The following IL1RAPL1 variants were observed in gnomAD, a reference collection of about 807,000 sequenced individuals.
IL1RAPL1 encodes interleukin-1 receptor accessory protein-like 1.
IL1RAPL1 carries 3 observed loss-of-function variants against 48.4 expected under a neutral mutation model. That is an observed-to-expected ratio of 0.06 (90% CI 0.03 to 0.16). The LOEUF (loss-of-function observed/expected upper bound fraction) is 0.16. Among genes scored for constraint, IL1RAPL1 ranks in the 10% least tolerant of loss-of-function variants. The probability of loss-of-function intolerance (pLI) is 1.00; values close to 1 mark genes in which losing one functional copy is unlikely to be tolerated. For missense variants in IL1RAPL1, 349 were observed against 530.6 expected (o/e 0.66, Z 3.36); for synonymous variants, 185 against 187.7 (o/e 0.99, Z 0.12).
At chrX:29,930,549 C>T (rs1211459052) in intron 8 of IL1RAPL1, among the ~76,000 whole-genome samples, 1 of 111,810 alleles carries the variant, frequency 8.9e-6, no homozygotes, top group Non-Finnish European at 1.9e-5. Context: ...GTGGTTACCT[C>T]GAGGTGGCAT....
intron 1 of IL1RAPL1, among the ~76,000 whole-genome samples, chrX:28,779,108 C>A (rs949567488): frequency 5.9e-4 from 66 of 111,796 alleles, no homozygotes; most frequent in African/African-American, 2.1e-3. Context: ...GTGCACTTAA[C>A]CACTTTCATT....
At chrX:28,832,180 A>G (rs900563154) in intron 2 of IL1RAPL1, among the ~76,000 whole-genome samples, 12 of 110,934 alleles carry the variant, frequency 1.1e-4, no homozygotes, top group African/African-American at 3.9e-4. Flanking sequence ...GCAGTGCTAT[A>G]GAACACTGGA....
At chrX:29,022,080 G>A (rs936534979) in intron 2 of IL1RAPL1, among the ~76,000 whole-genome samples, 4 of 111,064 alleles carry the variant, frequency 3.6e-5, no homozygotes, top group Admixed American at 2.9e-4. Context: ...TTTTTTCTCC[G>A]TATTCCATTT....
rs747642387 is a variant in IL1RAPL1, at chrX:29,201,780, C to G, written c.83-81158C>G. On this transcript the variant is annotated intron_variant, in intron 2 of 10. Transcript: ENST00000378993. ...GCTCTCGGCTCGCGGCAACCTCCGC[C>G]TCGCAGGTTCAAGCGATTCTCCTGC... Among the ~76,000 whole-genome samples the G allele has an allele frequency of 3.0e-3, 331 of 110,524 alleles. 1 individual carries two copies. Among genetic ancestry groups the G allele is most frequent in the African/African-American group, 0.01 (312 of 30,389 alleles).
chrX:29,341,970 G>A (rs749337168), intron 3 of IL1RAPL1, among the ~76,000 whole-genome samples: 26 of 109,695 alleles, frequency 2.4e-4, no homozygotes, highest in African/African-American at 5.0e-4. Flanking sequence ...TACCACGTAC[G>A]GCTAATTTTT....
intron 2 of IL1RAPL1, among the ~76,000 whole-genome samples, chrX:28,873,523 C>CTTGTTTTTTTTTTTTT (rs1922267118): frequency 1.8e-5 from 1 of 56,679 alleles, no homozygotes; most frequent in African/African-American, 8.1e-5. Flanking sequence ...TTCTTTCTTT[C>CTTGTTTTTTTTTTTTT]TTTTTTTTTT....
intron 1 of IL1RAPL1, among the ~76,000 whole-genome samples, chrX:28,722,078 G>A (rs1265064803): frequency 1.3e-4 from 14 of 111,859 alleles, no homozygotes; most frequent in Admixed American, 1.1e-3. Flanking sequence ...GGCAATGCAG[G>A]CTCTTTTTTG....
At chrX:28,700,211 T>A (rs1935279237) in intron 1 of IL1RAPL1, among the ~76,000 whole-genome samples, 1 of 111,452 alleles carries the variant, frequency 9.0e-6, no homozygotes, top group South Asian at 3.8e-4. Flanking sequence ...TCTACAGGGA[T>A]GCCCTTTACT....
chrX:29,691,750 CAAAAAAAAA>C (rs761236508), intron 6 of IL1RAPL1, among the ~76,000 whole-genome samples: 1 of 17,685 alleles, frequency 5.7e-5, no homozygotes, highest in East Asian at 1.8e-3. Context: ...GACTCCGTCT[CAAAAAAAAA>C]AAAAAAAAAA....
intron 2 of IL1RAPL1, among the ~76,000 whole-genome samples, chrX:28,805,522 A>G (rs1400871829): frequency 9.0e-6 from 1 of 111,232 alleles, no homozygotes; most frequent in African/African-American, 3.3e-5. Flanking sequence ...TCTTGCCTTG[A>G]TAATCTCAGT....
chrX:28,956,228 C>G (rs1177627141), intron 2 of IL1RAPL1, among the ~76,000 whole-genome samples: 6 of 108,233 alleles, frequency 5.5e-5, no homozygotes, highest in Non-Finnish European at 1.1e-4. Context: ...TTGACTCCCT[C>G]TTTTCCTAAT....
At chrX:29,002,308 T>C (rs376921095) in intron 2 of IL1RAPL1, among the ~76,000 whole-genome samples, 7 of 111,610 alleles carry the variant, frequency 6.3e-5, no homozygotes, top group African/African-American at 2.3e-4. Flanking sequence ...ATACTTATTA[T>C]ATAAATCTAT....
chrX:28,847,172 T>G (rs2147294932), intron 2 of IL1RAPL1, among the ~76,000 whole-genome samples: 1 of 111,126 alleles, frequency 9.0e-6, no homozygotes, highest in South Asian at 3.9e-4. Flanking sequence ...CCTTCATTCC[T>G]TTTAGCTCTT....
chrX:29,751,001 T>G (rs1928447880), intron 6 of IL1RAPL1, among the ~76,000 whole-genome samples: 1 of 111,916 alleles, frequency 8.9e-6, no homozygotes, highest in South Asian at 3.7e-4. Flanking sequence ...AAGCTATACA[T>G]GAAGAGTTAA....
intron 2 of IL1RAPL1, among the ~76,000 whole-genome samples, chrX:29,282,012 G>T (rs1195451694): frequency 9.0e-6 from 1 of 110,910 alleles, no homozygotes; most frequent in Non-Finnish European, 1.9e-5. Flanking sequence ...CAAGCTCTCT[G>T]GTGTCTCTTC....
chrX:29,825,271 G>A (rs1930710034), intron 6 of IL1RAPL1, among the ~76,000 whole-genome samples: 1 of 110,751 alleles, frequency 9.0e-6, no homozygotes. Flanking sequence ...GCTGTCTATC[G>A]GTGTCCATCA....
intron 6 of IL1RAPL1, among the ~76,000 whole-genome samples, chrX:29,720,816 C>A (rs768277541): frequency 1.4e-4 from 16 of 111,440 alleles, no homozygotes; most frequent in Non-Finnish European, 2.6e-4. Flanking sequence ...AATTGCCCAG[C>A]GTAACTGTAT....
In IL1RAPL1 at chrX:29,932,856, C is replaced by T. The variant is rs1255372221; in HGVS notation, c.1058-8795C>T. Among the ~76,000 whole-genome samples the T allele has an allele frequency of 3.6e-5, 4 of 111,570 alleles. No individual in the cohort carries two copies. In the East Asian group the frequency reaches 1.1e-3, roughly 31 times the overall value. ...CTTTAACGCAAAAACATATTTCATC[C>T]ATCACTTTCACTTTATCACTAGAAC... On this transcript the variant is annotated intron_variant, in intron 8 of 10. Coordinates refer to ENST00000378993, the MANE Select transcript of IL1RAPL1 (RefSeq NM_014271.4).
intron 2 of IL1RAPL1, among the ~76,000 whole-genome samples, chrX:29,270,235 T>C (rs995274056): frequency 8.9e-6 from 1 of 111,861 alleles, no homozygotes; most frequent in Non-Finnish European, 1.9e-5. Context: ...TGTATAGACG[T>C]AGAGTTTTCT....
Sources: gnomAD v4.1 joint callset for allele counts (sites outside exome capture counted in the v4.1 genomes callset) on GRCh38, gnomAD v4.1.1 for gene constraint, MANE v1.5 for transcripts, NCBI Gene and HGNC (gene_info 2026-07-23, HGNC 2026-07-21) for gene names.